Variants in EYS observed in about 807,000 individuals in gnomAD.
EYS encodes the protein protein eyes shut homolog.
A neutral mutation model predicts 282.1 loss-of-function variants in EYS; 250 were observed. The observed-to-expected ratio is 0.89, with a 90% CI of 0.80 to 0.98. The LOEUF (loss-of-function observed/expected upper bound fraction) is 0.98, where lower values mean the gene tolerates loss of function less well. Ranked by LOEUF, EYS falls within the 50% of genes least tolerant of loss-of-function variation. The probability of loss-of-function intolerance (pLI) is 0.00; values close to 1 mark genes in which losing one functional copy is unlikely to be tolerated. For missense variants in EYS, 4,016 were observed against 3,709.0 expected, an observed-to-expected ratio of 1.08 and a Z score of -2.15; for synonymous variants, 1,355 against 1,282.9, an observed-to-expected ratio of 1.06 and a Z score of -1.20.
At chr6:64,582,537 G>A (rs1408302570) in intron 26 of EYS, among the ~76,000 whole-genome samples, 1 of 151,394 alleles carries the variant, frequency 6.6e-6, no homozygotes, top group African/African-American at 2.4e-5. Context: ...CAAAAACAAG[G>A]AATGGGTCAG....
At chr6:65,508,024 C>T (rs531323858) in intron 2 of EYS, among the ~76,000 whole-genome samples, 1 of 152,200 alleles carries the variant, frequency 6.6e-6, no homozygotes, top group Non-Finnish European at 1.5e-5. Flanking sequence ...CATACTGTAT[C>T]GGGTAATAGG....
intron 33 of EYS, among the ~76,000 whole-genome samples, chr6:64,061,503 T>C (rs894877937): frequency 6.6e-6 from 1 of 152,220 alleles, no homozygotes; most frequent in African/African-American, 2.4e-5. Flanking sequence ...TCTACCTTGA[T>C]ACTGAATTGA....
intron 13 of EYS, among the ~76,000 whole-genome samples, chr6:65,028,896 A>C (rs1474045878): frequency 6.6e-6 from 1 of 152,140 alleles, no homozygotes; most frequent in Non-Finnish European, 1.5e-5. Flanking sequence ...TTCTGCTATA[A>C]GGAAGAGCTT....
intron 28 of EYS, among the ~76,000 whole-genome samples, chr6:64,415,986 G>T (rs1430259559): frequency 6.6e-6 from 1 of 152,142 alleles, no homozygotes; most frequent in African/African-American, 2.4e-5. Context: ...GACAAAAACT[G>T]AGCTTAATGT....
At chr6:64,769,067 C>T (rs1340901671) in intron 22 of EYS, among the ~76,000 whole-genome samples, 1 of 152,070 alleles carries the variant, frequency 6.6e-6, no homozygotes, top group East Asian at 1.9e-4. Flanking sequence ...AAAAATAGAT[C>T]TAATTCTGCA....
intron 35 of EYS, among the ~76,000 whole-genome samples, chr6:63,977,220 G>T (rs567991099): frequency 3.3e-5 from 5 of 151,620 alleles, no homozygotes; most frequent in Non-Finnish European, 5.9e-5. Context: ...TTTGATACAG[G>T]CATACAATGT....
At chr6:64,826,143 G>T (rs950158129) in intron 19 of EYS, among the ~76,000 whole-genome samples, 18 of 151,754 alleles carry the variant, frequency 1.2e-4, no homozygotes, top group African/African-American at 4.1e-4. Context: ...GTGTCAATCA[G>T]AGTTCTAGAC....
At chr6:63,829,504 G>A (rs141044265) in intron 36 of EYS, among the ~76,000 whole-genome samples, 6,058 of 152,300 alleles carry the variant, frequency 0.04, 185 homozygotes, top group Non-Finnish European at 0.06. Context: ...AGGTGGCAGC[G>A]AGGCTGGGGG....
chr6:64,974,981 TG>T (rs1770427995), intron 14 of EYS, among the ~76,000 whole-genome samples: 1 of 151,854 alleles, frequency 6.6e-6, no homozygotes, highest in South Asian at 2.1e-4. Context: ...AGCAGGCTCA[TG>T]GTTAAATTTA....
chr6:64,244,392 C>A (rs989123462), intron 30 of EYS, among the ~76,000 whole-genome samples: 1 of 152,114 alleles, frequency 6.6e-6, no homozygotes, highest in African/African-American at 2.4e-5. Flanking sequence ...GTTATCAGTT[C>A]TGTAGGAAAC....
In EYS at chr6:64,000,179, T is replaced by TCAG. The variant is rs1562142299; in HGVS notation, c.6726-997_6726-996insCTG. ...CCCAAGACATGGGACTTTTTTTTTT[T>TCAG]TTTTTTTTTTTTTTTTTTTTTTTTT... On this transcript the variant is annotated intron_variant, in intron 33 of 42. Coordinates refer to ENST00000503581, the MANE Select transcript of EYS (RefSeq NM_001142800.2). Among the ~76,000 whole-genome samples, 94 of 45,618 alleles carry TCAG rather than the reference T, an allele frequency of 2.1e-3. 9 individuals are homozygous for TCAG. Among genetic ancestry groups the TCAG allele is most frequent in the South Asian group, 2.9e-3 (3 of 1,038 alleles). 29.9% of individuals were successfully genotyped at this position (45,618 alleles called of 152,430 possible). A position where few individuals can be genotyped will look rare whatever the true frequency, so the allele number is the denominator to read the frequency against.
intron 41 of EYS, among the ~76,000 whole-genome samples, chr6:63,762,215 C>A (rs551091514): frequency 6.6e-6 from 1 of 152,082 alleles, no homozygotes; most frequent in East Asian, 1.9e-4. Context: ...TTTAGAACAT[C>A]TACACAAAAT....
chr6:63,844,342 A>C (rs530647941), intron 36 of EYS, among the ~76,000 whole-genome samples: 2 of 152,308 alleles, frequency 1.3e-5, no homozygotes, highest in African/African-American at 4.8e-5. Flanking sequence ...TTATAATAGA[A>C]TCATTTATTT....
intron 19 of EYS, among the ~76,000 whole-genome samples, chr6:64,860,707 T>A (rs1414264443): frequency 6.6e-6 from 1 of 152,206 alleles, no homozygotes; most frequent in Non-Finnish European, 1.5e-5. Flanking sequence ...TCAGCCCTGT[T>A]TGTGTTACAG....
intron 9 of EYS, among the ~76,000 whole-genome samples, chr6:65,346,867 G>C (rs897145960): frequency 6.6e-6 from 1 of 151,806 alleles, no homozygotes; most frequent in African/African-American, 2.4e-5. Flanking sequence ...GCACAAGGTT[G>C]TCTACTATAC....
intron 41 of EYS, among the ~76,000 whole-genome samples, chr6:63,760,956 T>C (rs1769623840): frequency 6.6e-6 from 1 of 151,982 alleles, no homozygotes; most frequent in African/African-American, 2.4e-5. Flanking sequence ...TTGGTTAATT[T>C]TTGAGTACTC....
At chr6:64,684,590 A>T (rs993073996) in intron 22 of EYS, among the ~76,000 whole-genome samples, 6 of 78,552 alleles carry the variant, frequency 7.6e-5, no homozygotes, top group African/African-American at 1.7e-4. Context: ...TATAGGAAAA[A>T]AAATATATAG....
rs201839629 is a variant in EYS, at chr6:65,347,905, A to G, written c.1460-3728T>C. ...CTATCCTTCCAAACCTCTGGTAACCATCATTCTACTCTCTATCTGTAGGAG... is the reference window on the plus strand; with the variant it reads ...CTATCCTTCCAAACCTCTGGTAACCGTCATTCTACTCTCTATCTGTAGGAG... On this transcript the variant is annotated intron_variant, in intron 9 of 42. Transcript: ENST00000503581. Among the ~76,000 whole-genome samples, 62 of 151,588 alleles carry G rather than the reference A, an allele frequency of 4.1e-4. No homozygotes were observed. In the East Asian group the frequency reaches 0.011, roughly 27 times the overall value.
At position 64,590,899 on chromosome 6, in the gene EYS, A is replaced by G. The variant is rs2149831653; in HGVS notation, c.4968T>C (p.Asp1656=). ...AAGTCTTATCCAAACATAAATTAAC[A>G]TCCAAATTACTTGATAGGGTAATGG... ...EESITLSSNL[D]VNLCLDKTCL... Residue 1656 remains aspartate, a synonymous_variant, in exon 26 of 43, where the codon GAT becomes GAC. Transcript: ENST00000503581. The G allele has an allele frequency of 1.3e-6, 2 of 1,550,636 alleles. No individual in the cohort carries two copies. Among genetic ancestry groups the G allele is most frequent in the East Asian group, 2.4e-5 (1 of 40,884 alleles).
Sources: gnomAD v4.1 joint callset for allele counts (sites outside exome capture counted in the v4.1 genomes callset) on GRCh38, gnomAD v4.1.1 for gene constraint, MANE v1.5 for transcripts, NCBI Gene and HGNC (gene_info 2026-07-23, HGNC 2026-07-21) for gene names.